LSMEM1: variants seen among roughly 807,000 people sequenced by gnomAD.
LSMEM1 encodes the protein leucine-rich single-pass membrane protein 1.
Under a neutral mutation model 11.3 loss-of-function variants are expected in LSMEM1, and 10 were observed. That is an observed-to-expected ratio of 0.89 (90% CI 0.55 to 1.50). The LOEUF (loss-of-function observed/expected upper bound fraction) is 1.50. Ranked by LOEUF, LSMEM1 falls within the 40% of genes most tolerant of loss-of-function variation. LSMEM1 has a pLI of 0.00. For synonymous variants in LSMEM1, 65 were observed against 59.3 expected (o/e 1.10, Z -0.44); for missense variants, 151 against 152.9 (o/e 0.99, Z 0.06).
chr7:112,483,233 TA>T (rs1796065091), intron 1 of LSMEM1, among the ~76,000 whole-genome samples: 1 of 151,970 alleles, frequency 6.6e-6, no homozygotes, highest in African/African-American at 2.4e-5. Flanking sequence ...CAACAGAAAG[TA>T]AACAGTGTGT....
chr7:112,487,049 T>C lies in LSMEM1; in HGVS notation c.254T>C (p.Ile85Thr), dbSNP rs139164474. The stretch of plus-strand genomic sequence containing the variant: ...CTGGTTTTTTTCGTGATATTTCTAA[T>C]AGGTAAGTACCACCACAGGTTTCTT... Reference protein sequence around the residue: ...LALVFFVIFLIVQTGNKMDDV... With the variant: ...LALVFFVIFLTVQTGNKMDDV... The change falls in exon 3 of 4, where the codon ATA becomes ACA. Residue 85 changes from isoleucine to threonine, a missense_variant and splice_region_variant. Coordinates refer to ENST00000312849, the MANE Select transcript of LSMEM1 (RefSeq NM_182597.3). The C allele has an allele frequency of 1.3e-5, 21 of 1,613,956 alleles. No homozygotes were observed. Among genetic ancestry groups the C allele is most frequent in the Non-Finnish European group, 1.7e-5 (20 of 1,179,954 alleles).
At chr7:112,482,955 A>C (rs1406585614) in intron 1 of LSMEM1, among the ~76,000 whole-genome samples, 1 of 152,114 alleles carries the variant, frequency 6.6e-6, no homozygotes, top group East Asian at 1.9e-4. Flanking sequence ...CCTAAAAAAA[A>C]TTTTTAGTCC....
At chr7:112,486,788 T>G in intron 2 of LSMEM1, 135 bp from the exon 3 acceptor site, 1 of 1,255,388 alleles carries the variant, frequency 8.0e-7, no homozygotes, top group East Asian at 2.4e-5. Flanking sequence ...AAAAAAAGAG[T>G]CACTTTCTAG....
chr7:112,485,200 C>T (rs562601406), intron 2 of LSMEM1, among the ~76,000 whole-genome samples: 2 of 152,270 alleles, frequency 1.3e-5, no homozygotes, highest in South Asian at 2.1e-4. Context: ...GCGTTTCTGT[C>T]CCTGGAAAGG....
Position 112,481,064 on chromosome 7 carries a change from A to T in LSMEM1, c.-288A>T. 2.8e-6 allele frequency: 1 copy of T among 356,926 alleles called. No individual in the cohort carries two copies. The highest frequency in any genetic ancestry group is 5.5e-6 in the Non-Finnish European group (1 of 182,834). 22.1% of individuals were successfully genotyped at this position (356,926 alleles called of 1,614,324 possible). A position where few individuals can be genotyped will look rare whatever the true frequency, so the allele number is the denominator to read the frequency against. On this transcript the variant is annotated 5_prime_UTR_variant, in exon 1 of 4. Coordinates refer to ENST00000312849, the MANE Select transcript of LSMEM1 (RefSeq NM_182597.3). ...TTTTTTGTTGTTTTCTTTTTAAAGC[A>T]TAGTTTTAGTAATATATTTACTAAA... is the stretch of plus-strand genomic sequence containing the variant.
At chr7:112,485,166 C>T (rs796923957) in intron 2 of LSMEM1, among the ~76,000 whole-genome samples, 3 of 152,220 alleles carry the variant, frequency 2.0e-5, no homozygotes, top group African/African-American at 4.8e-5. Flanking sequence ...GAACTCTTGA[C>T]TTCAAATATT....
In LSMEM1 at chr7:112,491,018, T is replaced by C. The variant is rs1394405417; in HGVS notation, c.*1069T>C. 6.6e-5 allele frequency: 10 copies of C among 152,240 alleles called. No homozygotes were observed. The highest frequency in any genetic ancestry group is 6.5e-4 in the Admixed American group (10 of 15,288). 9.4% of individuals were successfully genotyped at this position (152,240 alleles called of 1,614,324 possible). A position where few individuals can be genotyped will look rare whatever the true frequency, so the allele number is the denominator to read the frequency against. On this transcript the variant is annotated 3_prime_UTR_variant, in exon 4 of 4. Coordinates refer to ENST00000312849, the MANE Select transcript of LSMEM1 (RefSeq NM_182597.3). ...TTACTACGATATTAAGCATTCACTT[T>C]ACAATACTAAATAGTTAATGAAATA...
chr7:112,485,542 A>C (rs1005855749), intron 2 of LSMEM1, among the ~76,000 whole-genome samples: 1 of 152,200 alleles, frequency 6.6e-6, no homozygotes, highest in Non-Finnish European at 1.5e-5. Flanking sequence ...TTAATTGCTC[A>C]CTTGCCATTT....
At chr7:112,486,844 A>G in intron 2 of LSMEM1, 79 bp from the exon 3 acceptor site, 2 of 1,580,336 alleles carry the variant, frequency 1.3e-6, no homozygotes, top group Non-Finnish European at 1.7e-6. Context: ...ACGGTCTAAC[A>G]CTGGGGTACT....
chr7:112,482,380 A>T (rs1209968761), intron 1 of LSMEM1, among the ~76,000 whole-genome samples: 1 of 152,182 alleles, frequency 6.6e-6, no homozygotes, highest in African/African-American at 2.4e-5. Flanking sequence ...TTTTCTAGCT[A>T]GGTCTCTATT....
At chr7:112,485,037 G>T in intron 2 of LSMEM1, 94 bp downstream of exon 2, 1 of 1,365,212 alleles carries the variant, frequency 7.3e-7, no homozygotes, top group Non-Finnish European at 9.8e-7. Flanking sequence ...GTGGTGGAGG[G>T]GGAGGGGGCA....
At chr7:112,480,901 A>C (rs1054257451), upstream of LSMEM1, 1 of 456,178 alleles carries the variant, frequency 2.2e-6, no homozygotes, top group Admixed American at 2.3e-5. Flanking sequence ...CTGCTACAGG[A>C]TATTTATATA....
intron 1 of LSMEM1, among the ~76,000 whole-genome samples, chr7:112,482,851 G>A (rs999764718): frequency 6.6e-6 from 1 of 152,050 alleles, no homozygotes; most frequent in African/African-American, 2.4e-5. Flanking sequence ...TCAATAAAGT[G>A]CTATGGTAGT....
chr7:112,487,231 A>C (rs1450558844), intron 3 of LSMEM1, among the ~76,000 whole-genome samples, 180 bp downstream of exon 3: 1 of 152,178 alleles, frequency 6.6e-6, no homozygotes, highest in Non-Finnish European at 1.5e-5. Context: ...TCCCTTGGCC[A>C]CAAACCCACT....
chr7:112,482,585 C>G (rs3128383), intron 1 of LSMEM1, among the ~76,000 whole-genome samples: 3 of 152,200 alleles, frequency 2.0e-5, no homozygotes, highest in Non-Finnish European at 2.9e-5. Context: ...TTCCTGGTCA[C>G]ATATTACTGT....
rs916204361 is a variant in LSMEM1, at chr7:112,488,922, C to T, written c.257-888C>T. Among the ~76,000 whole-genome samples, 7 of 152,172 alleles carry T rather than the reference C, an allele frequency of 4.6e-5. No homozygotes were observed. The South Asian group carries it at 8.3e-4, about 18-fold the overall frequency. On this transcript the variant is annotated intron_variant, in intron 3 of 3. Coordinates refer to ENST00000312849, the MANE Select transcript of LSMEM1 (RefSeq NM_182597.3). The stretch of plus-strand genomic sequence containing the variant: ...AAATCCATTATTATTTTGGTTTTAC[C>T]AGTGCTGAAACTGAGATTTAGAGAG...
Position 112,490,271 on chromosome 7 carries a change from A to T in LSMEM1, c.*322A>T. On this transcript the variant is annotated 3_prime_UTR_variant, in exon 4 of 4. Transcript: ENST00000312849. ...ACTATGTACGTCCAACTTCTTACAGAAGGAGCTTTGCTACCAGAACAAGTT... is the reference window on the plus strand; with the variant it reads ...ACTATGTACGTCCAACTTCTTACAGTAGGAGCTTTGCTACCAGAACAAGTT... 4.4e-6 allele frequency: 1 copy of T among 229,846 alleles called. No individual in the cohort carries two copies. The highest frequency in any genetic ancestry group is 8.5e-6 in the Non-Finnish European group (1 of 117,472). The allele number at this position is 229,846 out of a possible 1,614,324, so 14.2% of individuals were successfully genotyped here.
intron 2 of LSMEM1, 115 bp downstream of exon 2, chr7:112,485,058 G>A: frequency 2.4e-6 from 3 of 1,239,478 alleles, no homozygotes; most frequent in Non-Finnish European, 3.3e-6. Context: ...TTAGGAAGAG[G>A]TTGGCACTGG....
rs368082116 is a variant in LSMEM1 at position 112,483,291 on chromosome 7, A to G, written c.-5-1521A>G. On this transcript the variant is annotated intron_variant, in intron 1 of 3. Coordinates refer to ENST00000312849, the MANE Select transcript of LSMEM1 (RefSeq NM_182597.3). ...ATATTTATCGCATTGACTTTACTAG[A>G]GTCCAGATAGACATCACATGAGGAT... The G allele has an allele frequency of 4.6e-5, 7 of 152,218 alleles. No homozygotes were observed. The East Asian group carries it at 1.3e-3, about 29-fold the overall frequency. 9.4% of individuals were successfully genotyped at this position (152,218 alleles called of 1,614,324 possible). A position where few individuals can be genotyped will look rare whatever the true frequency, so the allele number is the denominator to read the frequency against.
Sources: gnomAD v4.1 joint callset for allele counts (sites outside exome capture counted in the v4.1 genomes callset) on GRCh38, gnomAD v4.1.1 for gene constraint, MANE v1.5 for transcripts, NCBI Gene and HGNC (gene_info 2026-07-23, HGNC 2026-07-21) for gene names.